ANK3: variants seen among roughly 807,000 people sequenced by gnomAD.
The protein encoded by ANK3 is ankyrin-3.
Under a neutral mutation model 370.9 loss-of-function variants are expected in ANK3, and 57 were observed. That is an observed-to-expected ratio of 0.15 (90% confidence interval 0.12 to 0.19). The LOEUF (loss-of-function observed/expected upper bound fraction) is 0.19, where lower values mean the gene tolerates loss of function less well. Among genes scored for constraint, ANK3 ranks in the 10% least tolerant of loss-of-function variants. The probability of loss-of-function intolerance (pLI) is 1.00; values close to 1 mark genes in which losing one functional copy is unlikely to be tolerated. For missense variants in ANK3, 4,439 were observed against 5,302.1 expected (o/e 0.84, Z 5.06); for synonymous variants, 1,929 against 1,946.3 (o/e 0.99, Z 0.23).
chr10:60,302,849 A>G (rs1403490049), intron 1 of ANK3, among the ~76,000 whole-genome samples: 2 of 152,142 alleles, frequency 1.3e-5, no homozygotes, highest in Non-Finnish European at 2.9e-5. Context: ...ACAACAAAAA[A>G]AAAAACCCAG....
At chr10:60,471,712 A>C (rs905811345) in intron 2 of ANK3, among the ~76,000 whole-genome samples, 3 of 152,132 alleles carry the variant, frequency 2.0e-5, no homozygotes, top group Non-Finnish European at 4.4e-5. Context: ...CATTATTATA[A>C]GAAATTAATA....
Position 60,030,170 on chromosome 10 carries a change from T to TC in ANK3, c.*20-345dup, listed in dbSNP as rs560377582. Among the ~76,000 whole-genome samples, 1,222 of 151,934 alleles carry TC rather than the reference T, an allele frequency of 8.0e-3. 13 individuals are homozygous for TC. Among genetic ancestry groups the TC allele is most frequent in the Middle Eastern group, 0.027 (8 of 294 alleles). On this transcript the variant is annotated intron_variant, in intron 43 of 43. Coordinates refer to ENST00000280772, the MANE Select transcript of ANK3 (RefSeq NM_020987.5). Reference sequence around the variant, plus strand: ...ACTTTTTTTCTTTTTTGAGACGGAGTCTTGCTCTGTTGCCCAGGCTGGAGT... The same window carrying TC: ...ACTTTTTTTCTTTTTTGAGACGGAGTCCTTGCTCTGTTGCCCAGGCTGGAGT...
intron 2 of ANK3, among the ~76,000 whole-genome samples, chr10:60,602,781 A>T (rs566543774): frequency 1.3e-5 from 2 of 152,202 alleles, no homozygotes; most frequent in African/African-American, 2.4e-5. Context: ...TCCTGATATG[A>T]CCTAAATCAT....
At chr10:60,464,999 C>CT (rs2064976442) in intron 2 of ANK3, among the ~76,000 whole-genome samples, 1 of 152,156 alleles carries the variant, frequency 6.6e-6, no homozygotes. Context: ...AGCACAGTGG[C>CT]TTACACCTGT....
intron 36 of ANK3, among the ~76,000 whole-genome samples, chr10:60,079,225 A>ACACACACACACACACCC (rs376356885): frequency 7.0e-6 from 1 of 142,648 alleles, no homozygotes; most frequent in East Asian, 2.0e-4. Context: ...ACACACACAC[A>ACACACACACACACACCC]CCCCTCTTCT....
Position 60,073,242 on chromosome 10 carries a change from T to G in ANK3, c.7639A>C (p.Asn2547His), listed in dbSNP as rs768004286. Residue 2547 changes from asparagine to histidine, a missense_variant, in exon 37 of 44, where the codon AAT becomes CAT. Physicochemically the swap from Asn to His is moderately conservative, Grantham distance 68. Around this residue, in one of 13 missense-constraint regions of ANK3, gnomAD observed 1,601 missense variants for 1,731.7 expected, o/e 0.92. Coordinates refer to ENST00000280772, the MANE Select transcript of ANK3 (RefSeq NM_020987.5). The stretch of plus-strand genomic sequence containing the variant: ...ATGGCATGTTTTGGACTACTAACAT[T>G]GCCAGAATAGTGCAACACTGTCACT... ...DKVTVLHYSG[N>H]VSSPKHAMWM... The G allele has an allele frequency of 1.2e-6, 2 of 1,614,166 alleles. No homozygotes were observed. Among genetic ancestry groups the G allele is most frequent in the Non-Finnish European group, 1.7e-6 (2 of 1,180,024 alleles).
chr10:60,298,913 A>G (rs964327223), intron 1 of ANK3, among the ~76,000 whole-genome samples: 1 of 152,208 alleles, frequency 6.6e-6, no homozygotes, highest in African/African-American at 2.4e-5. Flanking sequence ...ATGCATATGC[A>G]AAGTTTTCAA....
chr10:60,606,421 C>A (rs1195867827), intron 2 of ANK3, among the ~76,000 whole-genome samples: 1 of 152,018 alleles, frequency 6.6e-6, no homozygotes, highest in Non-Finnish European at 1.5e-5. Flanking sequence ...AGTCTTCCCT[C>A]ATTTGGTGAT....
chr10:60,327,705 C>T (rs959748351), intron 1 of ANK3, among the ~76,000 whole-genome samples: 2 of 152,144 alleles, frequency 1.3e-5, no homozygotes, highest in African/African-American at 4.8e-5. Context: ...TTTTTAGCAT[C>T]ATAGGATAAA....
chr10:60,360,097 T>G (rs1338543376), intron 1 of ANK3, among the ~76,000 whole-genome samples: 2 of 152,192 alleles, frequency 1.3e-5, no homozygotes, highest in Non-Finnish European at 2.9e-5. Context: ...GTTTTGATAG[T>G]TATAGAGCTT....
chr10:60,544,669 C>T (rs1374897169), intron 2 of ANK3, among the ~76,000 whole-genome samples: 2 of 152,056 alleles, frequency 1.3e-5, no homozygotes, highest in Non-Finnish European at 2.9e-5. Flanking sequence ...ACAACACATA[C>T]AGATATCAAA....
intron 1 of ANK3, among the ~76,000 whole-genome samples, chr10:60,617,042 T>C (rs2078277143): frequency 6.6e-6 from 1 of 152,170 alleles, no homozygotes; most frequent in Non-Finnish European, 1.5e-5. Flanking sequence ...AAGAGCTCTT[T>C]AGAAATAAGG....
chr10:60,243,712 T>C (rs996402957), intron 7 of ANK3, among the ~76,000 whole-genome samples: 1 of 152,182 alleles, frequency 6.6e-6, no homozygotes, highest in East Asian at 1.9e-4. Flanking sequence ...GTATTACTTA[T>C]TATACAGACA....
At chr10:60,106,248 C>T (rs1565048982) in intron 27 of ANK3, among the ~76,000 whole-genome samples, 189 bp from the exon 28 acceptor site, 2 of 152,090 alleles carry the variant, frequency 1.3e-5, no homozygotes, top group African/African-American at 4.8e-5. Context: ...TGCCATCATT[C>T]ATTCATTCAC....
chr10:60,464,171 G>A (rs1357410897), intron 2 of ANK3, among the ~76,000 whole-genome samples: 5 of 152,076 alleles, frequency 3.3e-5, no homozygotes, highest in South Asian at 2.1e-4. Context: ...TGCTGTTGTC[G>A]CCATTCATTA....
chr10:60,693,137 G>A (rs951993174), intron 1 of ANK3, among the ~76,000 whole-genome samples: 3 of 152,222 alleles, frequency 2.0e-5, no homozygotes, highest in African/African-American at 7.2e-5. Flanking sequence ...AAAGAAAGGG[G>A]TGACAGACAG....
intron 7 of ANK3, among the ~76,000 whole-genome samples, chr10:60,236,290 T>C (rs1038896159): frequency 2.7e-5 from 4 of 150,332 alleles, no homozygotes; most frequent in African/African-American, 1.0e-4. Flanking sequence ...ATTATCATAA[T>C]GAAGAAAGTA....
chr10:60,462,052 A>T (rs1475302259), intron 2 of ANK3, among the ~76,000 whole-genome samples: 2 of 152,208 alleles, frequency 1.3e-5, no homozygotes, highest in Non-Finnish European at 2.9e-5. Context: ...AGAACAAAGA[A>T]GAGATTTACT....
At chr10:60,080,482 AAT>A (rs1564860559) in intron 36 of ANK3, 53 bp downstream of exon 36, 1 of 1,507,978 alleles carries the variant, frequency 6.6e-7, no homozygotes, top group East Asian at 2.3e-5. Flanking sequence ...GTATAGAAAA[AAT>A]GTCTCTTCTT....
Sources: allele counts gnomAD v4.1 joint callset (sites outside exome capture counted in the v4.1 genomes callset), GRCh38; gene constraint gnomAD v4.1.1; regional missense constraint gnomAD v4.1.1; transcripts MANE v1.5; gene names NCBI Gene and HGNC (gene_info 2026-07-23, HGNC 2026-07-21).